Variants in FRMD4A observed in about 807,000 individuals in gnomAD.
The protein encoded by FRMD4A is FERM domain-containing protein 4A.
In FRMD4A, 29 loss-of-function variants were observed where a neutral mutation model predicts 129.1. The observed-to-expected ratio is 0.22, with a 90% CI of 0.17 to 0.31. FRMD4A has a LOEUF of 0.31. Among genes scored for constraint, FRMD4A ranks in the 10% least tolerant of loss-of-function variants. The probability of loss-of-function intolerance (pLI) is 1.00; values close to 1 mark genes in which losing one functional copy is unlikely to be tolerated. For synonymous variants in FRMD4A, 634 were observed against 571.6 expected (o/e 1.11, Z -1.56); for missense variants, 1,272 against 1,375.8 (o/e 0.92, Z 1.19).
At chr10:13,687,813 C>A (rs1349708543) in intron 15 of FRMD4A, among the ~76,000 whole-genome samples, 2 of 152,188 alleles carry the variant, frequency 1.3e-5, no homozygotes, top group Non-Finnish European at 2.9e-5. Flanking sequence ...CAAATGGATT[C>A]AGGACGCGGG....
chr10:14,321,504 T>C (rs1258222777), intron 2 of FRMD4A, among the ~76,000 whole-genome samples: 2 of 151,984 alleles, frequency 1.3e-5, no homozygotes, highest in African/African-American at 4.8e-5. Flanking sequence ...TGTGAGAGTA[T>C]GAATTTTGAG....
chr10:13,975,007 G>T (rs2131391815), intron 2 of FRMD4A, among the ~76,000 whole-genome samples: 1 of 152,040 alleles, frequency 6.6e-6, no homozygotes, highest in South Asian at 2.1e-4. Context: ...CTGTGTGAGT[G>T]CATGTGTGTG....
chr10:13,707,190 T>G (rs1170380670), intron 12 of FRMD4A, 77 bp from the exon 13 acceptor site: 14 of 943,870 alleles, frequency 1.5e-5, no homozygotes, highest in Non-Finnish European at 2.4e-5. Flanking sequence ...GCTGGTTAAC[T>G]TTCGACAGCT....
At chr10:14,310,931 A>G (rs971835446) in intron 2 of FRMD4A, among the ~76,000 whole-genome samples, 4 of 152,002 alleles carry the variant, frequency 2.6e-5, no homozygotes, top group Admixed American at 6.5e-5. Context: ...GTGTGTCCCC[A>G]TCTTAGTTTT....
chr10:14,182,243 T>C (rs1310488462), intron 2 of FRMD4A, among the ~76,000 whole-genome samples: 1 of 152,154 alleles, frequency 6.6e-6, no homozygotes, highest in Non-Finnish European at 1.5e-5. Context: ...AGCTGTGTTT[T>C]TAAAAAGAGA....
intron 2 of FRMD4A, among the ~76,000 whole-genome samples, chr10:13,901,439 G>T (rs2094817742): frequency 6.6e-6 from 1 of 151,880 alleles, no homozygotes; most frequent in South Asian, 2.1e-4. Context: ...GGTGAAACCT[G>T]TCTCTACAAA....
chr10:13,779,707 A>G (rs1401431475), intron 6 of FRMD4A, among the ~76,000 whole-genome samples: 1 of 151,950 alleles, frequency 6.6e-6, no homozygotes, highest in East Asian at 1.9e-4. Flanking sequence ...TAGGTTTAGT[A>G]TTATTTGATT....
At chr10:14,216,763 C>G (rs1363226533) in intron 2 of FRMD4A, among the ~76,000 whole-genome samples, 1 of 152,114 alleles carries the variant, frequency 6.6e-6, no homozygotes, top group South Asian at 2.1e-4. Context: ...GCTTCCCATG[C>G]TCCCTCTAGT....
intron 2 of FRMD4A, among the ~76,000 whole-genome samples, chr10:14,188,644 G>A (rs962285516): frequency 6.6e-6 from 1 of 152,124 alleles, no homozygotes; most frequent in East Asian, 1.9e-4. Context: ...CCTTGGCTGC[G>A]CACAGTAGCT....
At position 14,206,820 on chromosome 10, in the gene FRMD4A, A is replaced by AAAAAAAAAAAAAAAAAG. The variant is rs1429238276; in HGVS notation, c.45+123237_45+123238insCTTTTTTTTTTTTTTTT. On this transcript the variant is annotated intron_variant, in intron 2 of 24. Coordinates refer to ENST00000357447, the MANE Select transcript of FRMD4A (RefSeq NM_018027.5). ...GTGAGACGCTATCTCAAAAAAAAAA[A>AAAAAAAAAAAAAAAAAG]AGAGAGACAGAGAAACAAAATATTT... 6.9e-4 allele frequency among the ~76,000 whole-genome samples: 88 copies of AAAAAAAAAAAAAAAAAG among 127,456 alleles called. 1 individual carries two copies. The highest frequency in any genetic ancestry group is 1.5e-3 in the African/African-American group (56 of 36,874). The allele number at this position is 127,456 out of a possible 152,430, so 83.6% of individuals were successfully genotyped here. A position where few individuals can be genotyped will look rare whatever the true frequency, so the allele number is the denominator to read the frequency against.
chr10:14,037,593 T>G (rs1264104904), intron 2 of FRMD4A, among the ~76,000 whole-genome samples: 1 of 152,210 alleles, frequency 6.6e-6, no homozygotes, highest in Non-Finnish European at 1.5e-5. Flanking sequence ...TTTTTGTACA[T>G]CTGTCAATGT....
chr10:13,951,929 T>TAAA (rs1554984654), intron 2 of FRMD4A, among the ~76,000 whole-genome samples: 265 of 145,966 alleles, frequency 1.8e-3, no homozygotes, highest in East Asian at 6.7e-3. Flanking sequence ...ATAATAATAA[T>TAAA]AAACAATCTA....
At chr10:14,047,971 A>G (rs1287737345) in intron 2 of FRMD4A, among the ~76,000 whole-genome samples, 1 of 152,226 alleles carries the variant, frequency 6.6e-6, no homozygotes, top group East Asian at 1.9e-4. Context: ...ATTTAACAAC[A>G]AATGTATAAG....
intron 2 of FRMD4A, among the ~76,000 whole-genome samples, chr10:14,243,790 A>G (rs577932654): frequency 6.6e-6 from 1 of 151,538 alleles, no homozygotes; most frequent in African/African-American, 2.4e-5. Flanking sequence ...ACACTTAAAA[A>G]TGGTTCAAAT....
chr10:14,018,840 C>T (rs1256954173), intron 2 of FRMD4A, among the ~76,000 whole-genome samples: 4 of 152,090 alleles, frequency 2.6e-5, no homozygotes, highest in Non-Finnish European at 5.9e-5. Context: ...TAATGAGTAG[C>T]TCGGGGCATG....
chr10:13,724,806 G>A (rs1414962447), intron 12 of FRMD4A, among the ~76,000 whole-genome samples: 2 of 152,194 alleles, frequency 1.3e-5, no homozygotes, highest in African/African-American at 2.4e-5. Flanking sequence ...GCTGGTCCAC[G>A]TGCCTTTTCA....
At chr10:14,291,124 CA>C (rs1164183520) in intron 2 of FRMD4A, among the ~76,000 whole-genome samples, 4 of 152,052 alleles carry the variant, frequency 2.6e-5, no homozygotes, top group African/African-American at 4.8e-5. Flanking sequence ...TTCCTATTTT[CA>C]ATTTTTATAA....
intron 2 of FRMD4A, among the ~76,000 whole-genome samples, chr10:14,260,126 G>A (rs560383377): frequency 2.0e-5 from 3 of 152,116 alleles, no homozygotes; most frequent in South Asian, 4.2e-4. Flanking sequence ...GGAGAACATC[G>A]TGGAAAGAAG....
chr10:14,259,495 C>T (rs566392817), intron 2 of FRMD4A, among the ~76,000 whole-genome samples: 1 of 152,190 alleles, frequency 6.6e-6, no homozygotes, highest in African/African-American at 2.4e-5. Context: ...CATACTCCTG[C>T]AAATGTAATA....
Sources: allele counts gnomAD v4.1 joint callset (sites outside exome capture counted in the v4.1 genomes callset), GRCh38; gene constraint gnomAD v4.1.1; transcripts MANE v1.5; gene names NCBI Gene and HGNC (gene_info 2026-07-23, HGNC 2026-07-21).